SLC4A4: variants seen among roughly 807,000 people sequenced by gnomAD.
SLC4A4 encodes electrogenic sodium bicarbonate cotransporter 1.
In SLC4A4, 27 loss-of-function variants were observed where a neutral mutation model predicts 111.5. That is an observed-to-expected ratio of 0.24 (90% CI 0.18 to 0.33). The LOEUF is 0.33. Among genes scored for constraint, SLC4A4 ranks in the 10% least tolerant of loss-of-function variants. SLC4A4 has a pLI of 1.00. For missense variants in SLC4A4, 909 were observed against 1,315.5 expected (o/e 0.69, Z 4.78); for synonymous variants, 443 against 463.4 (o/e 0.96, Z 0.57).
At chr4:71,466,905 C>T (rs1321937417) in intron 13 of SLC4A4, among the ~76,000 whole-genome samples, 1 of 139,778 alleles carries the variant, frequency 7.2e-6, no homozygotes, top group Non-Finnish European at 1.5e-5. Context: ...TTGGGTTTGG[C>T]TAATGGGGAG....
At chr4:71,337,494 T>C (rs1048484838) in intron 3 of SLC4A4, among the ~76,000 whole-genome samples, 1 of 152,182 alleles carries the variant, frequency 6.6e-6, no homozygotes, top group Non-Finnish European at 1.5e-5. Flanking sequence ...TAACCAATCT[T>C]CCTTTATGGA....
At chr4:71,113,050 G>A (rs1743137899) in intron 2 of SLC4A4, among the ~76,000 whole-genome samples, 1 of 152,172 alleles carries the variant, frequency 6.6e-6, no homozygotes, top group Non-Finnish European at 1.5e-5. Context: ...TGTAAAGTGC[G>A]AGGGTGAATT....
At chr4:71,407,359 A>G (rs12507293) in intron 7 of SLC4A4, among the ~76,000 whole-genome samples, 3,534 of 152,320 alleles carry the variant, frequency 0.023, 57 homozygotes, top group Middle Eastern at 0.065. Flanking sequence ...GGTCAGTGAA[A>G]AAAGACTGAT....
chr4:71,201,610 A>T (rs2602089), intron 1 of SLC4A4, among the ~76,000 whole-genome samples: 24,230 of 152,196 alleles, frequency 0.16, 3,147 homozygotes, highest in African/African-American at 0.33. Flanking sequence ...AGAAAAATGC[A>T]TAGCACATAG....
chr4:71,167,525 C>T (rs577302619), intron 2 of SLC4A4, among the ~76,000 whole-genome samples: 3 of 152,078 alleles, frequency 2.0e-5, no homozygotes, highest in African/African-American at 4.8e-5. Context: ...GGGAGACCCT[C>T]TTTGGGAAAT....
chr4:71,122,391 T>C (rs1439696491), intron 2 of SLC4A4, among the ~76,000 whole-genome samples: 5 of 152,120 alleles, frequency 3.3e-5, no homozygotes, highest in Non-Finnish European at 7.4e-5. Flanking sequence ...AAAACCTTTT[T>C]AGCTGTTGTT....
At chr4:71,288,320 C>T (rs1006845903) in intron 3 of SLC4A4, among the ~76,000 whole-genome samples, 2 of 152,126 alleles carry the variant, frequency 1.3e-5, no homozygotes, top group African/African-American at 4.8e-5. Flanking sequence ...AATGTCAGAG[C>T]ACCTGCTTTT....
In SLC4A4 at chr4:71,532,309, T is replaced by C. The variant is rs1734005118; in HGVS notation, c.2280+134T>C. ...TTTTTTTTCCAAAATCAGTCCCTCT[T>C]AGGCTCATATATACATGTAGTTTAA... On this transcript the variant is annotated intron_variant, in intron 17 of 25. Transcript: ENST00000264485. 5.7e-6 allele frequency: 4 copies of C among 697,074 alleles called. No homozygotes were observed. The South Asian group carries it at 6.3e-5, about 11-fold the overall frequency. The allele number at this position is 697,074 out of a possible 1,614,324, so 43.2% of individuals were successfully genotyped here.
intron 2 of SLC4A4, among the ~76,000 whole-genome samples, chr4:71,095,480 G>C (rs1742518337): frequency 6.6e-6 from 1 of 152,210 alleles, no homozygotes; most frequent in Admixed American, 6.5e-5. Flanking sequence ...TTTCTAATTA[G>C]CTGCTTCCTG....
At chr4:71,243,475 T>C (rs1720405759) in intron 2 of SLC4A4, among the ~76,000 whole-genome samples, 1 of 152,170 alleles carries the variant, frequency 6.6e-6, no homozygotes, top group Non-Finnish European at 1.5e-5. Context: ...TAAAGATCAG[T>C]TGAGGCTTTC....
intron 3 of SLC4A4, among the ~76,000 whole-genome samples, chr4:71,319,570 T>G (rs1413164862): frequency 2.0e-5 from 3 of 152,076 alleles, no homozygotes. Flanking sequence ...TTCAGTTTTT[T>G]CAATCTTTGT....
At chr4:71,139,621 G>A (rs1743944374) in intron 2 of SLC4A4, among the ~76,000 whole-genome samples, 1 of 152,178 alleles carries the variant, frequency 6.6e-6, no homozygotes, top group African/African-American at 2.4e-5. Flanking sequence ...CTCTGTACCT[G>A]TGGGCATTTT....
At chr4:71,358,006 C>T (rs984724025) in intron 6 of SLC4A4, among the ~76,000 whole-genome samples, 1 of 152,126 alleles carries the variant, frequency 6.6e-6, no homozygotes, top group Non-Finnish European at 1.5e-5. Flanking sequence ...ATCCCACCCC[C>T]AGGCTTTTTA....
intron 3 of SLC4A4, among the ~76,000 whole-genome samples, chr4:71,299,022 G>A (rs935775030): frequency 6.6e-6 from 1 of 152,158 alleles, no homozygotes; most frequent in Non-Finnish European, 1.5e-5. Context: ...TTCTGAAGGA[G>A]GACATCTAAC....
At chr4:71,064,425 C>A (rs1387709841) in intron 1 of SLC4A4, among the ~76,000 whole-genome samples, 1 of 151,990 alleles carries the variant, frequency 6.6e-6, no homozygotes, top group Non-Finnish European at 1.5e-5. Flanking sequence ...TAGAGTCATG[C>A]CTTTGAAGGG....
intron 8 of SLC4A4, among the ~76,000 whole-genome samples, chr4:71,443,149 T>TATATATAG (rs1724917083): frequency 7.6e-6 from 1 of 132,194 alleles, no homozygotes; most frequent in Non-Finnish European, 1.6e-5. Flanking sequence ...TATATATATA[T>TATATATAG]ATAAATTTTT....
intron 16 of SLC4A4, among the ~76,000 whole-genome samples, chr4:71,511,408 T>C (rs1731905292): frequency 6.6e-6 from 1 of 151,938 alleles, no homozygotes; most frequent in Admixed American, 6.6e-5. Context: ...CTTATGCTCT[T>C]TTTTTTGTTT....
At chr4:71,345,731 C>G (rs540967091) in intron 4 of SLC4A4, among the ~76,000 whole-genome samples, 2 of 152,278 alleles carry the variant, frequency 1.3e-5, no homozygotes, top group East Asian at 1.9e-4. Flanking sequence ...ACTGACTTCT[C>G]TGTCTTTTCT....
chr4:71,090,485 G>T (rs532952511), intron 1 of SLC4A4, among the ~76,000 whole-genome samples: 2 of 152,164 alleles, frequency 1.3e-5, no homozygotes, highest in Non-Finnish European at 2.9e-5. Flanking sequence ...CTTCTGCATC[G>T]TTCATGCTGG....
Sources: allele counts gnomAD v4.1 joint callset (sites outside exome capture counted in the v4.1 genomes callset), GRCh38; gene constraint gnomAD v4.1.1; transcripts MANE v1.5; gene names NCBI Gene and HGNC (gene_info 2026-07-23, HGNC 2026-07-21).